Variants in IFIT3 observed in about 807,000 individuals in gnomAD.
IFIT3 encodes interferon-induced protein with tetratricopeptide repeats 3.
A neutral mutation model predicts 2.4 loss-of-function variants in IFIT3; 2 were observed. That is an observed-to-expected ratio of 0.82 (90% confidence interval 0.34 to 2.60). The LOEUF is 2.60. Among genes scored for constraint, IFIT3 ranks in the 30% most tolerant of loss-of-function variants. The pLI, the probability that IFIT3 is intolerant of heterozygous loss-of-function variation, is 0.11. For synonymous variants in IFIT3, 203 were observed against 212.1 expected (o/e 0.96, Z 0.37); for missense variants, 481 against 562.4 (o/e 0.86, Z 1.46).
intron 1 of IFIT3, chr10:89,332,398 T>A: frequency 9.3e-7 from 1 of 1,080,384 alleles, no homozygotes; most frequent in South Asian, 2.2e-5. Context: ...CTGGAACATG[T>A]TCCTGGCGTG....
At chr10:89,329,835 C>T (rs1162880103) in intron 1 of IFIT3, among the ~76,000 whole-genome samples, 1 of 152,122 alleles carries the variant, frequency 6.6e-6, no homozygotes, top group East Asian at 1.9e-4. Flanking sequence ...GTTTATTTCA[C>T]CTGGGTGCAG....
At chr10:89,332,182 G>A (rs554489472) in intron 1 of IFIT3, among the ~76,000 whole-genome samples, 2 of 152,326 alleles carry the variant, frequency 1.3e-5, no homozygotes, top group Admixed American at 1.3e-4. Flanking sequence ...AGTGAGACTA[G>A]GGAGTCTGGT....
At chr10:89,334,493 T>C (rs1843701551) in intron 1 of IFIT3, among the ~76,000 whole-genome samples, 1 of 91,646 alleles carries the variant, frequency 1.1e-5, no homozygotes, top group Non-Finnish European at 2.2e-5. Flanking sequence ...TTTTTTTTTT[T>C]TTTTTTTTTT....
In IFIT3 at chr10:89,339,477, T is replaced by C. The variant is rs746613430; in HGVS notation, c.822T>C (p.Asn274=). 5 of 1,614,034 alleles carry C rather than the reference T, an allele frequency of 3.1e-6. No homozygotes were observed. In the South Asian group the frequency reaches 3.3e-5, roughly 11 times the overall value. ...FQRVLESTPN[N]GYLYHQIGCC... ...GGGTGTTGGAATCCACACCAAACAA[T>C]GGCTACCTCTATCACCAGATTGGGT... The change falls in exon 2 of 2, where the codon AAT becomes AAC. Residue 274 remains asparagine (N), a synonymous_variant. Coordinates refer to ENST00000371818, the MANE Select transcript of IFIT3 (RefSeq NM_001549.6).
chr10:89,339,807 G>A lies in IFIT3; in HGVS notation c.1152G>A (p.Glu384=), dbSNP rs776730398. The change falls in exon 2 of 2, where the codon GAG becomes GAA. Residue 384 remains glutamate (E), a synonymous_variant. Coordinates refer to ENST00000371818, the MANE Select transcript of IFIT3 (RefSeq NM_001549.6). The stretch of plus-strand genomic sequence containing the variant: ...ACACTGCTGTGCAACATGGTTTAGA[G>A]GGTTTGTCCATAAGCAAAAAATCAA... ...SEDTAVQHGL[E]GLSISKKSTD... 1.2e-5 allele frequency: 19 copies of A among 1,614,192 alleles called. No individual in the cohort carries two copies. Among genetic ancestry groups the A allele is most frequent in the Non-Finnish European group, 1.6e-5 (19 of 1,180,022 alleles).
rs1564793626 is a variant in IFIT3, at chr10:89,339,824, A to G, written c.1169A>G (p.Lys390Arg). ...QHGLEGLSISKKSTDKEEIKD... is the reference protein window; with the variant it reads ...QHGLEGLSISRKSTDKEEIKD... The stretch of plus-strand genomic sequence containing the variant: ...GGTTTAGAGGGTTTGTCCATAAGCA[A>G]AAAATCAACTGACAAGGAAGAGATC... The change falls in exon 2 of 2, where the codon AAA becomes AGA. Residue 390 changes from lysine to arginine, a missense_variant. Lys to Arg is a conservative substitution (Grantham distance 26). Coordinates refer to ENST00000371818, the MANE Select transcript of IFIT3 (RefSeq NM_001549.6). The G allele has an allele frequency of 1.2e-6, 2 of 1,614,230 alleles. No individual in the cohort carries two copies. Among genetic ancestry groups the G allele is most frequent in the Admixed American group, 1.7e-5 (1 of 60,034 alleles).
rs2133567537 is a variant in IFIT3, at chr10:89,338,973, C to T, written c.318C>T (p.His106=). The T allele has an allele frequency of 1.2e-6, 2 of 1,614,172 alleles. No homozygotes were observed. Among genetic ancestry groups the T allele is most frequent in the Non-Finnish European group, 1.7e-6 (2 of 1,180,026 alleles). ...GAAACTACGCCTGGGTCTACTATCA[C>T]TTGGGCAGACTCTCAGATGCTCAGA... is the stretch of plus-strand genomic sequence containing the variant. The part of the protein sequence containing the change: ...TWGNYAWVYY[H]LGRLSDAQIY... Residue 106 remains histidine (H), a synonymous_variant, in exon 2 of 2, where the codon CAC becomes CAT. Transcript: ENST00000371818.
Position 89,340,228 on chromosome 10 carries a change from G to C in IFIT3, c.*100G>C. 7.1e-6 allele frequency: 9 copies of C among 1,272,152 alleles called. No homozygotes were observed. Among genetic ancestry groups the C allele is most frequent in the Non-Finnish European group, 9.6e-6 (9 of 934,568 alleles). 78.8% of individuals were successfully genotyped at this position (1,272,152 alleles called of 1,614,324 possible). A position where few individuals can be genotyped will look rare whatever the true frequency, so the allele number is the denominator to read the frequency against. ...GCCCCAACCTGGGATTGCTGAGCAGGGAAGCTTTGCATGTTGCTCTAAGGT... is the reference window on the plus strand; with the variant it reads ...GCCCCAACCTGGGATTGCTGAGCAGCGAAGCTTTGCATGTTGCTCTAAGGT... On this transcript the variant is annotated 3_prime_UTR_variant, in exon 2 of 2. Transcript: ENST00000371818.
At chr10:89,334,446 G>A (rs1843697936) in intron 1 of IFIT3, among the ~76,000 whole-genome samples, 1 of 137,680 alleles carries the variant, frequency 7.3e-6, no homozygotes, top group African/African-American at 2.7e-5. Context: ...CCTGAACCTA[G>A]CTATTCTGTT....
At position 89,339,051 on chromosome 10, in the gene IFIT3, T is replaced by C; in HGVS notation, c.396T>C (p.Ser132=). Residue 132 remains serine (S), a synonymous_variant, in exon 2 of 2, where the codon AGT becomes AGC. Transcript: ENST00000371818. ...QTCKKFSNPY[S]IEYSELDCEE... ...GCAAGAAATTTTCAAATCCATACAG[T>C]ATTGAGTATTCTGAACTTGACTGTG... 1 of 1,614,054 alleles carries C rather than the reference T, an allele frequency of 6.2e-7. No homozygotes were observed. Among genetic ancestry groups the C allele is most frequent in the Middle Eastern group, 1.6e-4 (1 of 6,062 alleles).
Position 89,339,127 on chromosome 10 carries a change from T to C in IFIT3, c.472T>C (p.Cys158Arg). Reference sequence around the variant, plus strand: ...TGGAAGAAATGAAAGGGCGAAGGTGTGTTTTGAGAAGGCTCTGGAAGAAAA... The same window carrying C: ...TGGAAGAAATGAAAGGGCGAAGGTGCGTTTTGAGAAGGCTCTGGAAGAAAA... ...KCGRNERAKV[C>R]FEKALEEKPN... is the part of the protein sequence containing the mutation. The change falls in exon 2 of 2, where the codon TGT becomes CGT. Residue 158 changes from cysteine (C) to arginine (R), a missense_variant. Transcript: ENST00000371818. 6.2e-7 allele frequency: 1 copy of C among 1,614,090 alleles called. No homozygotes were observed. The highest frequency in any genetic ancestry group is 8.5e-7 in the Non-Finnish European group (1 of 1,180,020).
chr10:89,339,748 T>C lies in IFIT3; in HGVS notation c.1093T>C (p.Cys365Arg), dbSNP rs766283271. The change falls in exon 2 of 2, where the codon TGC becomes CGC. Residue 365 changes from cysteine to arginine, a missense_variant. Cys to Arg is a radical substitution (Grantham distance 180). Coordinates refer to ENST00000371818, the MANE Select transcript of IFIT3 (RefSeq NM_001549.6). ...AEKQQSHQRY[C>R]NLQKYNGKSE... ...AAAGCAACAATCCCATCAGCGCTAC[T>C]GCAACCTTCAGAAATATAATGGGAA... The C allele has an allele frequency of 6.2e-7, 1 of 1,614,190 alleles. No homozygotes were observed. Among genetic ancestry groups the C allele is most frequent in the South Asian group, 1.1e-5 (1 of 91,092 alleles).
chr10:89,333,309 A>C (rs182207587), intron 1 of IFIT3, among the ~76,000 whole-genome samples: 2 of 152,338 alleles, frequency 1.3e-5, no homozygotes, highest in South Asian at 4.1e-4. Flanking sequence ...TAGGTCCTGC[A>C]TTCTGAAATC....
intron 1 of IFIT3, among the ~76,000 whole-genome samples, chr10:89,331,177 C>T (rs1843646023): frequency 6.6e-6 from 1 of 151,946 alleles, no homozygotes; most frequent in Non-Finnish European, 1.5e-5. Flanking sequence ...TTTGTTGTTG[C>T]TGTTGTTGTT....
chr10:89,335,604 T>G (rs774170721), intron 1 of IFIT3: 3 of 151,922 alleles, frequency 2.0e-5, no homozygotes, highest in Non-Finnish European at 2.9e-5. Flanking sequence ...GTTTCCGGTT[T>G]CGTTGAGGCA....
At chr10:89,332,289 C>T (rs1426561595) in intron 1 of IFIT3, among the ~76,000 whole-genome samples, 4 of 152,232 alleles carry the variant, frequency 2.6e-5, no homozygotes, top group Non-Finnish European at 4.4e-5. Context: ...CAGGGCTTAA[C>T]TTTGCCTCTT....
chr10:89,328,833 T>C (rs984244245), intron 1 of IFIT3, among the ~76,000 whole-genome samples: 2 of 152,176 alleles, frequency 1.3e-5, no homozygotes, highest in African/African-American at 4.8e-5. Context: ...AGATCAGTGG[T>C]TGCCTGGAGA....
In IFIT3 at chr10:89,338,956, G is replaced by T; in HGVS notation, c.301G>T (p.Ala101Ser). The stretch of plus-strand genomic sequence containing the variant: ...AAGTCTAGTCACTTGGGGAAACTAC[G>T]CCTGGGTCTACTATCACTTGGGCAG... ...IRSLVTWGNY[A>S]WVYYHLGRLS... The change falls in exon 2 of 2, where the codon GCC becomes TCC. Residue 101 changes from alanine to serine, a missense_variant. Transcript: ENST00000371818. The T allele has an allele frequency of 6.2e-7, 1 of 1,614,144 alleles. No individual in the cohort carries two copies. The highest frequency in any genetic ancestry group is 1.3e-5 in the African/African-American group (1 of 75,042).
rs1169987503 is a variant in IFIT3 at position 89,338,706 on chromosome 10, A to G, written c.51A>G (p.Lys17=). ...NSLEKILPQL[K]CHFTWNLFKE... ...TGGAGAAAATCCTTCCACAGCTGAAATGCCATTTCACCTGGAACTTATTCA... is the reference window on the plus strand; with the variant it reads ...TGGAGAAAATCCTTCCACAGCTGAAGTGCCATTTCACCTGGAACTTATTCA... The change falls in exon 2 of 2, where the codon AAA becomes AAG. Residue 17 remains lysine (K), a synonymous_variant. Coordinates refer to ENST00000371818, the MANE Select transcript of IFIT3 (RefSeq NM_001549.6). 8 of 1,613,844 alleles carry G rather than the reference A, an allele frequency of 5.0e-6. No individual in the cohort carries two copies. Among genetic ancestry groups the G allele is most frequent in the Non-Finnish European group, 5.9e-6 (7 of 1,179,770 alleles).
Sources: gnomAD v4.1 joint callset for allele counts (sites outside exome capture counted in the v4.1 genomes callset) on GRCh38, gnomAD v4.1.1 for gene constraint, MANE v1.5 for transcripts, NCBI Gene and HGNC (gene_info 2026-07-23, HGNC 2026-07-21) for gene names.